Variants in RNF123 observed in about 807,000 individuals in gnomAD.
RNF123 encodes the protein E3 ubiquitin-protein ligase RNF123.
In RNF123, 86 loss-of-function variants were observed where a neutral mutation model predicts 168.5. That is an observed-to-expected ratio of 0.51 (90% CI 0.43 to 0.61). RNF123 has a LOEUF of 0.61. Among genes scored for constraint, RNF123 ranks in the 20% least tolerant of loss-of-function variants. RNF123 has a pLI of 0.00. For synonymous variants in RNF123, 666 were observed against 689.1 expected (o/e 0.97, Z 0.52); for missense variants, 1,419 against 1,729.7 (o/e 0.82, Z 3.19).
intron 19 of RNF123, 22 bp from the exon 20 acceptor site, chr3:49,702,611 G>A: frequency 6.2e-7 from 1 of 1,614,204 alleles, no homozygotes; most frequent in Non-Finnish European, 8.5e-7. Context: ...ACCAATGCAT[G>A]TTTCATGCCT....
intron 26 of RNF123, among the ~76,000 whole-genome samples, chr3:49,708,619 G>T (rs182739180): frequency 1.3e-5 from 2 of 152,358 alleles, no homozygotes; most frequent in African/African-American, 4.8e-5. Context: ...CTCTGAATTT[G>T]ACTATACTAA....
Position 49,715,563 on chromosome 3 carries a change from G to T in RNF123, c.3011-12G>T, listed in dbSNP as rs1241183157. ...GGAGTCCCTGATGATGCCGCCTCCT[G>T]TCCCCCTGCAGAGCCCTGCCCTTCC... On this transcript the variant is annotated splice_polypyrimidine_tract_variant and intron_variant, in intron 31 of 38. Transcript: ENST00000327697. The T allele has an allele frequency of 1.2e-6, 2 of 1,613,684 alleles. No homozygotes were observed. The highest frequency in any genetic ancestry group is 1.7e-6 in the Non-Finnish European group (2 of 1,179,860).
At position 49,714,001 on chromosome 3, in the gene RNF123, A is replaced by T; in HGVS notation, c.2925+4A>T. Reference sequence around the variant, plus strand: ...GATCCTGGTGCGGCTCTGGAGGGTAAGCCTGACTCGAGGGGAAGTGGCTGA... The same window carrying T: ...GATCCTGGTGCGGCTCTGGAGGGTATGCCTGACTCGAGGGGAAGTGGCTGA... On this transcript the variant is annotated splice_donor_region_variant and intron_variant, in intron 30 of 38. Transcript: ENST00000327697. 5 of 1,614,096 alleles carry T rather than the reference A, an allele frequency of 3.1e-6. No individual in the cohort carries two copies. The highest frequency in any genetic ancestry group is 3.4e-6 in the Non-Finnish European group (4 of 1,180,008).
chr3:49,696,374 A>C (rs1038111577), intron 3 of RNF123, among the ~76,000 whole-genome samples: 26 of 150,102 alleles, frequency 1.7e-4, no homozygotes, highest in African/African-American at 6.4e-4. Context: ...TTTGAGACAG[A>C]GTCTTGCTCT....
At chr3:49,714,263 C>G (rs2080198635) in intron 31 of RNF123, 89 bp downstream of exon 31, 3 of 1,194,446 alleles carry the variant, frequency 2.5e-6, no homozygotes, top group Non-Finnish European at 3.7e-6. Context: ...TCCACTTCTT[C>G]CAGCCCCTCT....
intron 35 of RNF123, chr3:49,717,240 G>T (rs1170551866): frequency 6.5e-6 from 1 of 154,324 alleles, no homozygotes; most frequent in Non-Finnish European, 1.4e-5. Context: ...AGAGAGCAGG[G>T]CCTCTGGCTG....
chr3:49,703,756 G>A (rs1016220935), intron 21 of RNF123, among the ~76,000 whole-genome samples: 5 of 152,244 alleles, frequency 3.3e-5, no homozygotes, highest in Admixed American at 2.6e-4. Flanking sequence ...CAGGGGACCA[G>A]GGATCTTGGT....
chr3:49,713,399 C>A, intron 27 of RNF123, 114 bp from the exon 28 acceptor site: 1 of 982,792 alleles, frequency 1.0e-6, no homozygotes, highest in Non-Finnish European at 1.5e-6. Flanking sequence ...TGGGTCCAGG[C>A]TGGCCTTGGG....
intron 25 of RNF123, 101 bp downstream of exon 25, chr3:49,706,166 C>T (rs2054515412): frequency 2.9e-6 from 3 of 1,043,998 alleles, no homozygotes; most frequent in Admixed American, 3.7e-5. Context: ...TTCTCATCCC[C>T]ACTCTAGCCC....
At position 49,698,874 on chromosome 3, in the gene RNF123, T is replaced by C; in HGVS notation, c.638+52T>C. 2 of 1,605,730 alleles carry C rather than the reference T, an allele frequency of 1.2e-6. 1 individual carries two copies. The highest frequency in any genetic ancestry group is 2.2e-5 in the South Asian group (2 of 90,164). On this transcript the variant is annotated intron_variant, in intron 9 of 38. Transcript: ENST00000327697. ...CCTGGCCCCTGGGGCCTCCCCAGAC[T>C]GCCCCCAGTTTCCTGGGCCCTGTAA...
chr3:49,713,877 C>T, intron 29 of RNF123, 33 bp from the exon 30 acceptor site: 1 of 1,613,280 alleles, frequency 6.2e-7, no homozygotes, highest in Non-Finnish European at 8.5e-7. Flanking sequence ...CATGCCCAGC[C>T]TCACCCCGTC....
rs1296718986 is a variant in RNF123 at position 49,715,449 on chromosome 3, C to A, written c.3011-126C>A. The A allele has an allele frequency of 7.7e-6, 9 of 1,168,836 alleles. No homozygotes were observed. In the African/African-American group the frequency reaches 1.2e-4, roughly 16 times the overall value. The allele number at this position is 1,168,836 out of a possible 1,614,324, so 72.4% of individuals were successfully genotyped here. ...GTCCTCTGTCCCCTGCTTTCATGAC[C>A]TGAGCATTCCTAGGGAGCCATCTTT... On this transcript the variant is annotated intron_variant, in intron 31 of 38. Coordinates refer to ENST00000327697, the MANE Select transcript of RNF123 (RefSeq NM_022064.5).
chr3:49,713,698 T>A (rs765373447), intron 28 of RNF123, 40 bp from the exon 29 acceptor site: 59 of 1,576,562 alleles, frequency 3.7e-5, no homozygotes. Context: ...GGTCCAGGGC[T>A]CATGCCAAGC....
intron 35 of RNF123, chr3:49,718,205 G>A: frequency 6.2e-7 from 1 of 1,612,548 alleles, no homozygotes; most frequent in Non-Finnish European, 8.5e-7. Context: ...CTGGGTGTTT[G>A]GGGCCAGCGG....
At chr3:49,717,504 C>T (rs763295753) in intron 35 of RNF123, 3 of 183,038 alleles carry the variant, frequency 1.6e-5, no homozygotes, top group Non-Finnish European at 3.5e-5. Context: ...GGTGGCCCTG[C>T]GTCAGCTCTT....
At chr3:49,720,977 C>T (rs2080392457) in intron 37 of RNF123, 43 bp from the exon 38 acceptor site, 2 of 1,607,816 alleles carry the variant, frequency 1.2e-6, no homozygotes, top group Non-Finnish European at 8.5e-7. Flanking sequence ...TCCACATAGC[C>T]AGGCATCCAA....
chr3:49,707,536 T>C (rs1460552993), intron 26 of RNF123, among the ~76,000 whole-genome samples: 1 of 152,142 alleles, frequency 6.6e-6, no homozygotes, highest in Admixed American at 6.5e-5. Flanking sequence ...TCTGGACTTG[T>C]TTCCTCTCCC....
rs1490697770 is a variant in RNF123, at chr3:49,721,520, A to T, written c.*215A>T. 1 of 822,462 alleles carries T rather than the reference A, an allele frequency of 1.2e-6. No individual in the cohort carries two copies. The highest frequency in any genetic ancestry group is 1.7e-5 in the African/African-American group (1 of 59,526). 50.9% of individuals were successfully genotyped at this position (822,462 alleles called of 1,614,324 possible). On this transcript the variant is annotated 3_prime_UTR_variant, in exon 39 of 39. Transcript: ENST00000327697. ...GGGCCACAGTGAGCATTAAATTATT[A>T]TTCCATACAGCCCTGGCCCTGGCCC...
rs775986887 is a variant in RNF123, at chr3:49,704,989, C to T, written c.1965C>T (p.Pro655=). The T allele has an allele frequency of 3.1e-6, 5 of 1,604,532 alleles. No homozygotes were observed. The South Asian group carries it at 4.5e-5, about 14-fold the overall frequency. Reference sequence around the variant, plus strand: ...GCCGCCTTTCTTCACTGCAGCGCCCCATGCAGGCCCTGGCTGTTGGGGGGC... The same window carrying T: ...GCCGCCTTTCTTCACTGCAGCGCCCTATGCAGGCCCTGGCTGTTGGGGGGC... ...EEPAPAMAQR[P]MQALAVGGPL... The change falls in exon 23 of 39, where the codon CCC becomes CCT. Residue 655 remains proline, a synonymous_variant. Transcript: ENST00000327697.
Sources: allele counts gnomAD v4.1 joint callset (sites outside exome capture counted in the v4.1 genomes callset), GRCh38; gene constraint gnomAD v4.1.1; transcripts MANE v1.5; gene names NCBI Gene and HGNC (gene_info 2026-07-23, HGNC 2026-07-21).